Variants in PDE4B observed in about 807,000 individuals in gnomAD.
PDE4B encodes the protein 3',5'-cyclic-AMP phosphodiesterase 4B.
Under a neutral mutation model 82.2 loss-of-function variants are expected in PDE4B, and 20 were observed. The observed-to-expected ratio is 0.24, with a 90% CI of 0.17 to 0.35. The LOEUF is 0.35. Ranked by LOEUF, PDE4B falls within the 10% of genes least tolerant of loss-of-function variation. The pLI is 1.00. For synonymous variants in PDE4B, 320 were observed against 318.9 expected (o/e 1.00, Z -0.04); for missense variants, 655 against 907.2 (o/e 0.72, Z 3.57).
intron 1 of PDE4B, among the ~76,000 whole-genome samples, chr1:65,840,021 A>T (rs1646188650): frequency 6.6e-6 from 1 of 152,128 alleles, no homozygotes; most frequent in Non-Finnish European, 1.5e-5. Flanking sequence ...TTTTAAATAT[A>T]TATAAAAAAA....
At chr1:66,053,744 A>G (rs1473654283) in intron 3 of PDE4B, among the ~76,000 whole-genome samples, 1 of 152,206 alleles carries the variant, frequency 6.6e-6, no homozygotes, top group East Asian at 1.9e-4. Context: ...CTGTAATCCC[A>G]GCTACTTGGG....
At chr1:65,831,328 T>C (rs6669225) in intron 1 of PDE4B, among the ~76,000 whole-genome samples, 1,736 of 152,204 alleles carry the variant, frequency 0.011, 35 homozygotes, top group African/African-American at 0.04. Flanking sequence ...CACACATTCC[T>C]AATAGCAGAA....
intron 3 of PDE4B, among the ~76,000 whole-genome samples, chr1:66,084,050 A>G (rs1656878004): frequency 6.6e-6 from 1 of 152,094 alleles, no homozygotes; most frequent in Admixed American, 6.6e-5. Context: ...GAGTTATCTT[A>G]TTTTCTTGGG....
chr1:66,000,774 C>G lies in PDE4B; in HGVS notation c.281+81939C>G, dbSNP rs544718443. ...CTCTTCCAAACTATACCTCTCAAAA[C>G]TCAGCTTTATTGCAAACTATGCAGA... On this transcript the variant is annotated intron_variant, in intron 3 of 16. Coordinates refer to ENST00000341517, the MANE Select transcript of PDE4B (RefSeq NM_002600.4). Among the ~76,000 whole-genome samples the G allele has an allele frequency of 1.2e-4, 18 of 152,302 alleles. No homozygotes were observed. The South Asian group carries it at 1.9e-3, about 16-fold the overall frequency.
intron 3 of PDE4B, among the ~76,000 whole-genome samples, chr1:66,116,952 C>T (rs1360894114): frequency 6.6e-6 from 1 of 152,128 alleles, no homozygotes; most frequent in Admixed American, 6.5e-5. Flanking sequence ...CATCTCTGCC[C>T]GCCCTCATTA....
At chr1:66,112,014 T>C (rs1261627341) in intron 3 of PDE4B, among the ~76,000 whole-genome samples, 1 of 152,146 alleles carries the variant, frequency 6.6e-6, no homozygotes, top group Non-Finnish European at 1.5e-5. Context: ...CTTTGCATTT[T>C]GTTCAAGGAT....
intron 1 of PDE4B, among the ~76,000 whole-genome samples, chr1:65,910,136 G>T (rs1295601557): frequency 2.6e-5 from 4 of 152,150 alleles, no homozygotes; most frequent in Non-Finnish European, 4.4e-5. Flanking sequence ...TCATTTGGTT[G>T]GTTGCTTTTA....
At chr1:66,295,340 CTG>C (rs559722979) in intron 7 of PDE4B, among the ~76,000 whole-genome samples, 3 of 152,136 alleles carry the variant, frequency 2.0e-5, no homozygotes, top group Non-Finnish European at 4.4e-5. Flanking sequence ...CCCCACATGT[CTG>C]TGTGTTTTGT....
At chr1:66,181,994 G>T (rs492776) in intron 3 of PDE4B, among the ~76,000 whole-genome samples, 10,352 of 151,054 alleles carry the variant, frequency 0.069, 1,150 homozygotes, top group African/African-American at 0.23. Flanking sequence ...TATTTTTTTT[G>T]ATTTCAATAT....
chr1:66,043,184 C>T (rs1654482710), intron 3 of PDE4B, among the ~76,000 whole-genome samples: 1 of 151,762 alleles, frequency 6.6e-6, no homozygotes, highest in Non-Finnish European at 1.5e-5. Context: ...TTAACAATAG[C>T]TACTTCCCTT....
intron 7 of PDE4B, among the ~76,000 whole-genome samples, chr1:66,282,416 CT>C (rs1406836685): frequency 6.6e-6 from 1 of 152,166 alleles, no homozygotes; most frequent in Non-Finnish European, 1.5e-5. Context: ...GCATTACTCA[CT>C]GCTTAAAAGA....
chr1:65,991,734 G>A (rs79551184), intron 3 of PDE4B, among the ~76,000 whole-genome samples: 1,548 of 152,214 alleles, frequency 0.01, 21 homozygotes, highest in African/African-American at 0.035. Context: ...TCGCCTGTCC[G>A]TAAGTCTCAC....
chr1:66,201,678 G>C (rs1233132097), intron 3 of PDE4B, among the ~76,000 whole-genome samples: 2 of 137,636 alleles, frequency 1.5e-5, no homozygotes, highest in African/African-American at 5.6e-5. Context: ...ATTTCTGTGG[G>C]ATCTGTGGTG....
intron 3 of PDE4B, among the ~76,000 whole-genome samples, chr1:65,936,512 A>G (rs902269893): frequency 5.9e-5 from 9 of 152,186 alleles, no homozygotes; most frequent in African/African-American, 2.2e-4. Flanking sequence ...GGAAATAACA[A>G]GGAAAGAAAT....
At chr1:66,361,818 C>G (rs762158342) in intron 10 of PDE4B, 25 bp downstream of exon 10, 26 of 1,580,918 alleles carry the variant, frequency 1.6e-5, no homozygotes, top group Non-Finnish European at 2.2e-5. Flanking sequence ...AGGTTTTGTG[C>G]ATGTAGCTCT....
intron 7 of PDE4B, among the ~76,000 whole-genome samples, chr1:66,276,839 T>G (rs892530033): frequency 6.6e-6 from 1 of 152,204 alleles, no homozygotes; most frequent in Non-Finnish European, 1.5e-5. Context: ...TGCTATGATA[T>G]TGGCTCACTT....
chr1:65,802,344 A>G (rs1199813081), intron 1 of PDE4B, among the ~76,000 whole-genome samples: 1 of 152,186 alleles, frequency 6.6e-6, no homozygotes, highest in East Asian at 1.9e-4. Flanking sequence ...GCTTCCAGGC[A>G]TGACATCTGT....
chr1:66,043,417 T>C (rs985512279), intron 3 of PDE4B, among the ~76,000 whole-genome samples: 3 of 151,754 alleles, frequency 2.0e-5, no homozygotes, highest in Non-Finnish European at 4.4e-5. Flanking sequence ...AGAAGTCCTC[T>C]TTTAAAGCAG....
At chr1:65,944,565 C>T (rs991178080) in intron 3 of PDE4B, among the ~76,000 whole-genome samples, 2 of 151,846 alleles carry the variant, frequency 1.3e-5, no homozygotes, top group Non-Finnish European at 2.9e-5. Flanking sequence ...GTTTTATAGA[C>T]AGGGAAATGG....
Sources: allele counts gnomAD v4.1 joint callset (sites outside exome capture counted in the v4.1 genomes callset), GRCh38; gene constraint gnomAD v4.1.1; transcripts MANE v1.5; gene names NCBI Gene and HGNC (gene_info 2026-07-23, HGNC 2026-07-21).